The following FNBP4 variants were observed in gnomAD, a reference collection of about 807,000 sequenced individuals.
The protein encoded by FNBP4 is formin-binding protein 4.
A neutral mutation model predicts 119.3 loss-of-function variants in FNBP4; 34 were observed. The ratio of observed to expected loss-of-function variants is 0.28; its 90% confidence interval spans 0.22 to 0.38. FNBP4 has a LOEUF of 0.38. Among genes scored for constraint, FNBP4 ranks in the 10% least tolerant of loss-of-function variants. The probability of loss-of-function intolerance (pLI) is 1.00; values close to 1 mark genes in which losing one functional copy is unlikely to be tolerated. For missense variants in FNBP4, 1,112 were observed against 1,228.9 expected (o/e 0.90, Z 1.42); for synonymous variants, 462 against 430.6 (o/e 1.07, Z -0.90).
At chr11:47,725,772 G>A (rs2097560293) in intron 12 of FNBP4, 1 of 982,300 alleles carries the variant, frequency 1.0e-6, no homozygotes, top group South Asian at 4.7e-5. Context: ...TCGTCAATAG[G>A]GAAGTTTCAC....
At chr11:47,720,939 T>C (rs1485000112) in intron 15 of FNBP4, among the ~76,000 whole-genome samples, 12 of 151,234 alleles carry the variant, frequency 7.9e-5, no homozygotes, top group East Asian at 5.9e-4. Context: ...TGAGCCAAGA[T>C]TGCACCATTG....
At chr11:47,751,060 G>A in intron 5 of FNBP4, 24 bp from the exon 6 acceptor site, 2 of 1,612,358 alleles carry the variant, frequency 1.2e-6, no homozygotes, top group Non-Finnish European at 1.7e-6. Flanking sequence ...TACTTAGCAA[G>A]AGAAATATAA....
At chr11:47,719,525 G>A (rs1369811690) in intron 16 of FNBP4, among the ~76,000 whole-genome samples, 2 of 151,898 alleles carry the variant, frequency 1.3e-5, no homozygotes, top group African/African-American at 2.4e-5. Context: ...GTGTATAAAA[G>A]GGTCTAATTC....
chr11:47,732,355 C>T lies in FNBP4; in HGVS notation c.1820+182G>A, dbSNP rs778545492. The T allele has an allele frequency of 1.3e-5, 19 of 1,497,920 alleles. No individual in the cohort carries two copies. The highest frequency in any genetic ancestry group is 2.1e-4 in the Middle Eastern group (1 of 4,714). 92.8% of individuals were successfully genotyped at this position (1,497,920 alleles called of 1,614,324 possible). ...GTTACATGGAACACTTTAAACATTG[C>T]TTTTGTTTCTCCAATGTGTGGCTGG... On this transcript the variant is annotated intron_variant, in intron 11 of 16. Coordinates refer to ENST00000263773, the MANE Select transcript of FNBP4 (RefSeq NM_015308.5). This position sits in a 1 kb window ranked among gnomAD's most constrained non-coding sequence, Gnocchi z 4.2.
chr11:47,729,456 A>T (rs2097564962), intron 12 of FNBP4: 2 of 985,294 alleles, frequency 2.0e-6, no homozygotes, highest in Admixed American at 1.2e-4. Flanking sequence ...ACTTAGAAAA[A>T]TAAATAGAAC....
rs756551702 is a variant in FNBP4 at position 47,724,042 on chromosome 11, G to A, written c.2450C>T (p.Ser817Leu). 3.1e-6 allele frequency: 5 copies of A among 1,614,082 alleles called. No homozygotes were observed. The South Asian group carries it at 4.4e-5, about 14-fold the overall frequency. The change falls in exon 14 of 17, where the codon TCA becomes TTA. Residue 817 changes from serine to leucine, a missense_variant. Physicochemically the swap from Ser to Leu is moderately radical, Grantham distance 145. Coordinates refer to ENST00000263773, the MANE Select transcript of FNBP4 (RefSeq NM_015308.5). ...IGSSPVLYSQSAIATGHQAAG... is the reference protein window; with the variant it reads ...IGSSPVLYSQLAIATGHQAAG... ...TGCACAATTACCTGTAGCTATAGCT[G>A]ACTGGCTATAGAGAACTGGAGAACT...
intron 16 of FNBP4, 151 bp from the exon 17 acceptor site, chr11:47,717,663 A>G (rs531509004): frequency 3.7e-5 from 24 of 640,280 alleles, no homozygotes; most frequent in South Asian, 1.2e-4. Flanking sequence ...AAACATCAGT[A>G]TATTCTTCAT....
At chr11:47,736,278 C>T (rs551761645) in intron 9 of FNBP4, among the ~76,000 whole-genome samples, 2 of 150,400 alleles carry the variant, frequency 1.3e-5, no homozygotes, top group Admixed American at 6.6e-5. Context: ...TTTGGCGGGC[C>T]GGGCGCAGTG....
At position 47,747,145 on chromosome 11, in the gene FNBP4, C is replaced by T. The variant is rs115318146; in HGVS notation, c.907-751G>A. On this transcript the variant is annotated intron_variant, in intron 6 of 16. Transcript: ENST00000263773. Reference sequence around the variant, plus strand: ...CTCCCAGGTTCCAGCGATTCCCAGCCTCACAGCCTTAGCCTCCCAAGTAGC... The same window carrying T: ...CTCCCAGGTTCCAGCGATTCCCAGCTTCACAGCCTTAGCCTCCCAAGTAGC... 9.8e-3 allele frequency among the ~76,000 whole-genome samples: 1,483 copies of T among 152,028 alleles called. 28 individuals are homozygous for T. The highest frequency in any genetic ancestry group is 0.034 in the African/African-American group (1,420 of 41,462).
In FNBP4 at chr11:47,744,050, T is replaced by C. The variant is rs1292640477; in HGVS notation, c.1359A>G (p.Arg453=). 1 of 1,614,154 alleles carries C rather than the reference T, an allele frequency of 6.2e-7. No individual in the cohort carries two copies. Among genetic ancestry groups the C allele is most frequent in the Admixed American group, 1.7e-5 (1 of 60,002 alleles). Residue 453 remains arginine (R), a synonymous_variant, in exon 8 of 17, where the codon AGA becomes AGG. Coordinates refer to ENST00000263773, the MANE Select transcript of FNBP4 (RefSeq NM_015308.5). ...QDGMRRLMSK[R]GKWKMFVRAT... ...CTCGAACAAACATCTTCCATTTTCC[T>C]CTTTTAGACATAAGCCTACGCATTC... is the stretch of plus-strand genomic sequence containing the variant.
chr11:47,734,234 C>CTAT, intron 9 of FNBP4, 105 bp from the exon 10 acceptor site: 1 of 557,330 alleles, frequency 1.8e-6, no homozygotes, highest in Non-Finnish European at 3.0e-6. Flanking sequence ...ATGGGTCTGC[C>CTAT]TATAAACAGC....
chr11:47,739,588 G>C (rs548721345), intron 8 of FNBP4, among the ~76,000 whole-genome samples: 10 of 152,240 alleles, frequency 6.6e-5, no homozygotes, highest in African/African-American at 1.9e-4. Context: ...TGTTACCACA[G>C]TATTATTTAT....
At chr11:47,750,446 C>CT (rs965087984) in intron 6 of FNBP4, among the ~76,000 whole-genome samples, 19 of 141,558 alleles carry the variant, frequency 1.3e-4, no homozygotes, top group African/African-American at 4.7e-4. Context: ...TCCCAGCACT[C>CT]TGGGAGGCCA....
chr11:47,747,611 A>G (rs2135205881), intron 6 of FNBP4, among the ~76,000 whole-genome samples: 1 of 152,250 alleles, frequency 6.6e-6, no homozygotes, highest in South Asian at 2.1e-4. Context: ...TGGGCCTGAT[A>G]AGAAAATTTA....
At chr11:47,738,021 G>A (rs147187214) in intron 8 of FNBP4, among the ~76,000 whole-genome samples, 1 of 152,224 alleles carries the variant, frequency 6.6e-6, no homozygotes, top group Non-Finnish European at 1.5e-5. Flanking sequence ...GGCATTACAG[G>A]CGTTAGCCAC....
At position 47,732,416 on chromosome 11, in the gene FNBP4, C is replaced by T; in HGVS notation, c.1820+121G>A. ...TGCTTGCGGTGCTTTGCCTGCCCAG[C>T]ACCGCTAACTGCAGCTGCTCTCAGT... On this transcript the variant is annotated intron_variant, in intron 11 of 16. Coordinates refer to ENST00000263773, the MANE Select transcript of FNBP4 (RefSeq NM_015308.5). This position sits in a 1 kb window ranked among gnomAD's most constrained non-coding sequence, Gnocchi z 4.2. The T allele has an allele frequency of 6.5e-7, 1 of 1,541,866 alleles. No homozygotes were observed.
At chr11:47,739,901 C>T (rs1273611612) in intron 8 of FNBP4, among the ~76,000 whole-genome samples, 2 of 152,146 alleles carry the variant, frequency 1.3e-5, no homozygotes, top group Non-Finnish European at 2.9e-5. Context: ...GCCTCAGCCT[C>T]CCGAGTAGCT....
chr11:47,746,233 T>C lies in FNBP4; in HGVS notation c.1068A>G (p.Lys356=). ...ICKEEPVSEV[K]ETSTTVEEAT... ...CTTCTTCTACTGTTGTACTTGTTTC[T>C]TTTACTTCTGAAACTGGCTCCTCTT... Residue 356 remains lysine (K), a synonymous_variant, in exon 7 of 17, where the codon AAA becomes AAG. Transcript: ENST00000263773. 6.2e-7 allele frequency: 1 copy of C among 1,614,174 alleles called. No individual in the cohort carries two copies. The highest frequency in any genetic ancestry group is 8.5e-7 in the Non-Finnish European group (1 of 1,180,018).
chr11:47,766,945 C>T (rs2097648890), intron 1 of FNBP4, 124 bp downstream of exon 1: 2 of 1,373,120 alleles, frequency 1.5e-6, no homozygotes, highest in Non-Finnish European at 1.9e-6. Flanking sequence ...CGCCTGCAGG[C>T]CCGCAGCAGG....
Sources: allele counts gnomAD v4.1 joint callset (sites outside exome capture counted in the v4.1 genomes callset), GRCh38; gene constraint gnomAD v4.1.1; non-coding constraint Gnocchi (gnomAD v3.1); transcripts MANE v1.5; gene names NCBI Gene and HGNC (gene_info 2026-07-23, HGNC 2026-07-21).